SPATS2L: variants seen among roughly 807,000 people sequenced by gnomAD.
SPATS2L encodes SPATS2-like protein.
A neutral mutation model predicts 59.6 loss-of-function variants in SPATS2L; 30 were observed. The ratio of observed to expected loss-of-function variants is 0.50; its 90% CI spans 0.38 to 0.68. The LOEUF (loss-of-function observed/expected upper bound fraction) is 0.68. SPATS2L is among the 30% of genes least tolerant of loss of function. SPATS2L has a pLI of 0.00. For missense variants in SPATS2L, 615 were observed against 700.0 expected (o/e 0.88, Z 1.37); for synonymous variants, 252 against 263.5 (o/e 0.96, Z 0.42).
In SPATS2L at chr2:200,477,989, T is replaced by C; in HGVS notation, c.1635T>C (p.Asp545=). The C allele has an allele frequency of 6.3e-7, 1 of 1,590,144 alleles. No individual in the cohort carries two copies. Among genetic ancestry groups the C allele is most frequent in the Non-Finnish European group, 8.6e-7 (1 of 1,167,942 alleles). Residue 545 remains aspartate (D), a synonymous_variant, in exon 13 of 13, where the codon GAT becomes GAC. Transcript: ENST00000409140. ...LCPTRIEVST[D]AAVLSVPAVT... is the part of the protein sequence containing the mutation. ...CCACGAGAATAGAAGTTTCCACAGA[T>C]GCAGCAGTTCTCTCAGTCCCGGCTG...
chr2:200,306,468 C>G (rs10931898), upstream of SPATS2L: 387,762 of 1,001,750 alleles, frequency 0.39, 77,513 homozygotes, highest in East Asian at 0.72. Flanking sequence ...GGGAAAGGAG[C>G]TAGGGAGGGC....
intron 1 of SPATS2L, among the ~76,000 whole-genome samples, chr2:200,311,694 G>A (rs974714288): frequency 6.6e-6 from 1 of 152,268 alleles, no homozygotes; most frequent in East Asian, 1.9e-4. Context: ...ATTCAGGACC[G>A]AATTTAATTG....
intron 6 of SPATS2L, among the ~76,000 whole-genome samples, chr2:200,430,715 C>CTTGTTTTT (rs2083869264): frequency 7.9e-6 from 1 of 127,262 alleles, no homozygotes; most frequent in Non-Finnish European, 1.7e-5. Context: ...GAATTGTTTC[C>CTTGTTTTT]TTTTTTTTTT....
At position 200,313,058 on chromosome 2, in the gene SPATS2L, A is replaced by G. The variant is rs76609481; in HGVS notation, c.-73+6136A>G. 3.7e-4 allele frequency among the ~76,000 whole-genome samples: 57 copies of G among 152,348 alleles called. No homozygotes were observed. The East Asian group carries it at 8.9e-3, about 24-fold the overall frequency. On this transcript the variant is annotated intron_variant, in intron 1 of 12. Coordinates refer to ENST00000409140, the MANE Select transcript of SPATS2L (RefSeq NM_001100423.2). Reference sequence around the variant, plus strand: ...TAACTTGATTGAGTCTGCAGAGTTGATAAGTGGCAGATGAATCTGGTGTCT... The same window carrying G: ...TAACTTGATTGAGTCTGCAGAGTTGGTAAGTGGCAGATGAATCTGGTGTCT...
intron 8 of SPATS2L, among the ~76,000 whole-genome samples, chr2:200,441,172 C>T (rs1372815957): frequency 6.6e-6 from 1 of 152,056 alleles, no homozygotes; most frequent in Non-Finnish European, 1.5e-5. Flanking sequence ...AGAAGAATTC[C>T]CTTAACGAAA....
intron 6 of SPATS2L, among the ~76,000 whole-genome samples, chr2:200,424,817 T>G (rs2083463575): frequency 6.6e-6 from 1 of 152,150 alleles, no homozygotes; most frequent in East Asian, 1.9e-4. Context: ...TTTCCCTCTC[T>G]TGAGCTCCTG....
rs1216051998 is a variant in SPATS2L at position 200,419,490 on chromosome 2, G to A, written c.439G>A (p.Val147Ile). The change falls in exon 6 of 13, where the codon GTC becomes ATC. Residue 147 changes from valine to isoleucine, a missense_variant. Val to Ile is a conservative substitution (Grantham distance 29, BLOSUM62 3). Coordinates refer to ENST00000409140, the MANE Select transcript of SPATS2L (RefSeq NM_001100423.2). ...LEEPSKALRG[V>I]TEGNRLLQQK... ...GGAACCTTCAAAGGCACTTCGTGGG[G>A]TCACAGGTCAGTAATGCTTAAGTAA... is the stretch of plus-strand genomic sequence containing the variant. 3.7e-6 allele frequency: 6 copies of A among 1,613,708 alleles called. No homozygotes were observed. Among genetic ancestry groups the A allele is most frequent in the Admixed American group, 3.3e-5 (2 of 59,992 alleles).
At chr2:200,404,718 T>A (rs573914139) in intron 3 of SPATS2L, among the ~76,000 whole-genome samples, 1 of 152,298 alleles carries the variant, frequency 6.6e-6, no homozygotes, top group East Asian at 1.9e-4. Context: ...TATCTTCTAG[T>A]TCTGGAGGTC....
chr2:200,373,291 AAGAAC>A lies in SPATS2L; in HGVS notation c.-22-15930_-22-15926del, dbSNP rs1436519461. ...TTAACAAAAAAAAAAAAAAAAAAAA[AAGAAC>A]AAAACTGACTAATACTGTGACCATT... On this transcript the variant is annotated intron_variant, in intron 2 of 12. Coordinates refer to ENST00000409140, the MANE Select transcript of SPATS2L (RefSeq NM_001100423.2). 6.7e-4 allele frequency: 95 copies of A among 142,624 alleles called. 2 individuals carry two copies. In the East Asian group the frequency reaches 0.017, roughly 26 times the overall value. 8.8% of individuals were successfully genotyped at this position (142,624 alleles called of 1,614,324 possible). A position where few individuals can be genotyped will look rare whatever the true frequency, so the allele number is the denominator to read the frequency against.
chr2:200,448,186 A>G (rs916400729), intron 8 of SPATS2L, among the ~76,000 whole-genome samples: 11 of 152,200 alleles, frequency 7.2e-5, no homozygotes, highest in African/African-American at 2.4e-4. Context: ...CCACACCTGT[A>G]ATCCCAGCAC....
intron 7 of SPATS2L, among the ~76,000 whole-genome samples, chr2:200,440,297 G>A (rs552310731): frequency 9.9e-5 from 15 of 152,282 alleles, no homozygotes; most frequent in Admixed American, 8.5e-4. Flanking sequence ...TTTTAACCAC[G>A]CAAAGTGGTG....
At chr2:200,306,985 G>A in intron 1 of SPATS2L, 63 bp downstream of exon 1, 5 of 982,332 alleles carry the variant, frequency 5.1e-6, no homozygotes, top group Non-Finnish European at 6.0e-6. Flanking sequence ...CGGACGCGGA[G>A]GGGCCTGCGC....
At chr2:200,307,324 C>G (rs977194729) in intron 1 of SPATS2L, among the ~76,000 whole-genome samples, 1 of 151,810 alleles carries the variant, frequency 6.6e-6, no homozygotes, top group Non-Finnish European at 1.5e-5. Context: ...CCCTCCCAAG[C>G]CGGAAAGAGA....
chr2:200,404,610 G>T (rs1345049930), intron 3 of SPATS2L, among the ~76,000 whole-genome samples: 1 of 152,150 alleles, frequency 6.6e-6, no homozygotes, highest in Non-Finnish European at 1.5e-5. Flanking sequence ...GAGAAGTGTA[G>T]GCCTTTGTTT....
chr2:200,352,983 A>G (rs1173931755), intron 2 of SPATS2L, among the ~76,000 whole-genome samples: 1 of 152,232 alleles, frequency 6.6e-6, no homozygotes, highest in Non-Finnish European at 1.5e-5. Context: ...AACTACTCTG[A>G]CAACAGCATC....
intron 3 of SPATS2L, among the ~76,000 whole-genome samples, chr2:200,401,336 AG>A (rs139877440): frequency 0.024 from 3,625 of 152,254 alleles, 142 homozygotes; most frequent in African/African-American, 0.083. Flanking sequence ...AGTGAAAAAT[AG>A]ATTGTTGTTC....
At chr2:200,412,514 T>TTA in intron 4 of SPATS2L, 95 bp downstream of exon 4, 6 of 639,220 alleles carry the variant, frequency 9.4e-6, no homozygotes, top group Non-Finnish European at 1.6e-5. Context: ...ATCAATTCAT[T>TTA]ATGTGTACTT....
rs2081664858 is a variant in SPATS2L, at chr2:200,378,179, A to T, written c.-22-11044A>T. The T allele has an allele frequency of 3.0e-6, 3 of 995,320 alleles. No homozygotes were observed. In the South Asian group the frequency reaches 1.4e-4, roughly 47 times the overall value. The allele number at this position is 995,320 out of a possible 1,614,324, so 61.7% of individuals were successfully genotyped here. A position where few individuals can be genotyped will look rare whatever the true frequency, so the allele number is the denominator to read the frequency against. On this transcript the variant is annotated intron_variant, in intron 2 of 12. Transcript: ENST00000409140. ...CCAACCCCCTGCTGATTACTCAGCC[A>T]CGCCCAAGATCCTGCTACTACCCTG...
At chr2:200,329,843 G>C (rs933125536) in intron 2 of SPATS2L, among the ~76,000 whole-genome samples, 5 of 151,772 alleles carry the variant, frequency 3.3e-5, no homozygotes, top group African/African-American at 1.2e-4. Flanking sequence ...TTATGGCTAA[G>C]AGTGGTGGGC....
Sources: allele counts gnomAD v4.1 joint callset (sites outside exome capture counted in the v4.1 genomes callset), GRCh38; gene constraint gnomAD v4.1.1; transcripts MANE v1.5; gene names NCBI Gene and HGNC (gene_info 2026-07-23, HGNC 2026-07-21).